CACNB2: variants seen among roughly 807,000 people sequenced by gnomAD.
CACNB2 encodes calcium voltage-gated channel auxiliary subunit beta 2.
In CACNB2, 42 loss-of-function variants were observed where a neutral mutation model predicts 73.3. The ratio of observed to expected loss-of-function variants is 0.57; its 90% CI spans 0.45 to 0.74. CACNB2 has a LOEUF of 0.74. Among genes scored for constraint, CACNB2 ranks in the 30% least tolerant of loss-of-function variants. The pLI, the probability that CACNB2 is intolerant of heterozygous loss-of-function variation, is 0.00. For synonymous variants in CACNB2, 348 were observed against 310.3 expected (o/e 1.12, Z -1.28); for missense variants, 940 against 853.0 (o/e 1.10, Z -1.27).
chr10:18,303,588 A>G (rs1315274625), intron 2 of CACNB2, among the ~76,000 whole-genome samples: 1 of 152,232 alleles, frequency 6.6e-6, no homozygotes, highest in Admixed American at 6.5e-5. Flanking sequence ...ACTTCTCTTC[A>G]TAAGAGCCAG....
intron 2 of CACNB2, among the ~76,000 whole-genome samples, chr10:18,337,702 C>T (rs2041063173): frequency 6.6e-6 from 1 of 152,114 alleles, no homozygotes; most frequent in African/African-American, 2.4e-5. Flanking sequence ...TAACCACCAT[C>T]CTGGATTTGG....
intron 2 of CACNB2, among the ~76,000 whole-genome samples, chr10:18,395,391 T>C (rs1361650337): frequency 6.6e-6 from 1 of 152,186 alleles, no homozygotes; most frequent in African/African-American, 2.4e-5. Flanking sequence ...ACCATCATTT[T>C]ATTATCTCAG....
chr10:18,263,890 T>G (rs925265023), intron 2 of CACNB2, among the ~76,000 whole-genome samples: 9 of 152,238 alleles, frequency 5.9e-5, no homozygotes, highest in African/African-American at 2.2e-4. Context: ...CTTGACATTA[T>G]TATTGATGTT....
intron 2 of CACNB2, among the ~76,000 whole-genome samples, chr10:18,266,996 CTA>C (rs1418957563): frequency 2.6e-5 from 4 of 151,792 alleles, no homozygotes; most frequent in African/African-American, 4.8e-5. Flanking sequence ...TGTATATATA[CTA>C]TGTGTGTGTG....
chr10:18,174,684 G>A (rs1312266452), intron 2 of CACNB2, among the ~76,000 whole-genome samples: 10 of 152,086 alleles, frequency 6.6e-5, no homozygotes, highest in African/African-American at 1.7e-4. Context: ...GATTACAGGC[G>A]TAAGCCACCA....
intron 3 of CACNB2, among the ~76,000 whole-genome samples, chr10:18,483,531 CAAA>C (rs58945993): frequency 3.5e-5 from 4 of 115,164 alleles, no homozygotes; most frequent in Admixed American, 9.2e-5. Context: ...AACTCTGTCT[CAAA>C]AAAAAAAAAA....
At position 18,536,258 on chromosome 10, in the gene CACNB2, TTTTTTTTTTTTTTTTGG is replaced by T. The variant is rs1019780923; in HGVS notation, c.1302+63_1302+79del. ...GAGATCAGACCTTTTTTTTTTTTTT[TTTTTTTTTTTTTTTTGG>T]GGGACAAGGTCTTGCTCTGTTGCCC... On this transcript the variant is annotated intron_variant, in intron 12 of 13. Coordinates refer to ENST00000324631, the MANE Select transcript of CACNB2 (RefSeq NM_201596.3). The T allele has an allele frequency of 5.7e-4, 380 of 667,304 alleles. 1 individual carries two copies. The East Asian group carries it at 8.7e-3, about 15-fold the overall frequency. 41.3% of individuals were successfully genotyped at this position (667,304 alleles called of 1,614,324 possible).
chr10:18,430,617 G>A (rs975395016), intron 3 of CACNB2, among the ~76,000 whole-genome samples: 1 of 152,134 alleles, frequency 6.6e-6, no homozygotes, highest in African/African-American at 2.4e-5. Flanking sequence ...GCAACAGAGT[G>A]AGACCTTGTC....
intron 2 of CACNB2, among the ~76,000 whole-genome samples, chr10:18,234,554 A>G (rs570878260): frequency 1.7e-4 from 26 of 152,364 alleles, no homozygotes; most frequent in Non-Finnish European, 2.8e-4. Flanking sequence ...AATAATTTTC[A>G]GCTTTAGGAA....
At chr10:18,201,411 A>G (rs1258297872) in intron 2 of CACNB2, among the ~76,000 whole-genome samples, 1 of 151,752 alleles carries the variant, frequency 6.6e-6, no homozygotes, top group African/African-American at 2.4e-5. Flanking sequence ...AGTAGCTGGG[A>G]TTACAGGCAT....
intron 2 of CACNB2, among the ~76,000 whole-genome samples, chr10:18,280,741 C>T (rs187830227): frequency 1.3e-5 from 2 of 152,256 alleles, no homozygotes; most frequent in East Asian, 1.9e-4. Context: ...GCTTCAGCCA[C>T]ATGAAATAAA....
intron 2 of CACNB2, among the ~76,000 whole-genome samples, chr10:18,369,834 G>A (rs1043462272): frequency 1.3e-5 from 2 of 152,208 alleles, no homozygotes; most frequent in African/African-American, 4.8e-5. Context: ...TTGAACCTGG[G>A]AGGCAGAGGT....
intron 2 of CACNB2, among the ~76,000 whole-genome samples, chr10:18,397,971 A>C (rs1175400109): frequency 6.6e-6 from 1 of 152,158 alleles, no homozygotes; most frequent in Non-Finnish European, 1.5e-5. Context: ...AATGTGATGC[A>C]CTGACAAGGA....
In CACNB2 at chr10:18,539,553, G is replaced by A. The variant is rs749947014; in HGVS notation, c.1812G>A (p.Glu604=). The part of the protein sequence containing the change: ...THGSSDHRHR[E]SRHRSRDVDR... ...GGAGCAGTGACCACAGACACAGGGA[G>A]TCCCGGCACCGTTCCCGGGACGTGG... Residue 604 remains glutamate, a synonymous_variant, in exon 14 of 14, where the codon GAG becomes GAA. Transcript: ENST00000324631. 8.7e-6 allele frequency: 14 copies of A among 1,613,644 alleles called. No individual in the cohort carries two copies. In the South Asian group the frequency reaches 1.3e-4, roughly 15 times the overall value.
intron 2 of CACNB2, among the ~76,000 whole-genome samples, chr10:18,330,249 A>T (rs1444940234): frequency 6.6e-6 from 1 of 152,226 alleles, no homozygotes; most frequent in African/African-American, 2.4e-5. Flanking sequence ...CATATACGTA[A>T]TTACACATTA....
intron 2 of CACNB2, among the ~76,000 whole-genome samples, chr10:18,388,329 A>C (rs1374774839): frequency 6.6e-6 from 1 of 152,236 alleles, no homozygotes; most frequent in Non-Finnish European, 1.5e-5. Context: ...TATCTGTGGC[A>C]CATTTCCAGC....
intron 2 of CACNB2, among the ~76,000 whole-genome samples, chr10:18,326,831 A>G (rs929506979): frequency 6.6e-6 from 1 of 152,144 alleles, no homozygotes; most frequent in African/African-American, 2.4e-5. Flanking sequence ...GGCTCAAGCA[A>G]TCCTCCCGCT....
chr10:18,220,201 GTATATATA>G (rs773942256), intron 2 of CACNB2, among the ~76,000 whole-genome samples: 541 of 23,286 alleles, frequency 0.023, 33 homozygotes, highest in Middle Eastern at 0.033. Flanking sequence ...ATATGTGTGT[GTATATATA>G]TATATATATA....
chr10:18,297,112 G>T (rs184618390), intron 2 of CACNB2, among the ~76,000 whole-genome samples: 1 of 152,108 alleles, frequency 6.6e-6, no homozygotes, highest in Admixed American at 6.5e-5. Flanking sequence ...GGGATTTATC[G>T]TCTTGTATCT....
Sources: allele counts gnomAD v4.1 joint callset (sites outside exome capture counted in the v4.1 genomes callset), GRCh38; gene constraint gnomAD v4.1.1; transcripts MANE v1.5; gene names NCBI Gene and HGNC (gene_info 2026-07-23, HGNC 2026-07-21).